The following DLG2 variants were observed in gnomAD, a reference collection of about 807,000 sequenced individuals.
DLG2 encodes the protein discs large MAGUK scaffold protein 2.
Under a neutral mutation model 132.5 loss-of-function variants are expected in DLG2, and 45 were observed. That is an observed-to-expected ratio of 0.34 (90% CI 0.27 to 0.44). DLG2 has a LOEUF of 0.44. DLG2 is among the 20% of genes least tolerant of loss of function. The probability of loss-of-function intolerance (pLI) is 1.00; values close to 1 mark genes in which losing one functional copy is unlikely to be tolerated. For missense variants in DLG2, 1,045 were observed against 1,196.9 expected (o/e 0.87, Z 1.87); for synonymous variants, 424 against 419.6 (o/e 1.01, Z -0.13).
intron 18 of DLG2, among the ~76,000 whole-genome samples, chr11:83,667,974 T>TTAAA (rs2075973184): frequency 1.0e-3 from 1 of 968 alleles, no homozygotes; most frequent in Non-Finnish European, 2.2e-3. Context: ...AGACTCCGTC[T>TTAAA]CAAAAAAAAA....
chr11:85,623,351 T>C (rs1281475803), intron 2 of DLG2, among the ~76,000 whole-genome samples: 5 of 151,840 alleles, frequency 3.3e-5, no homozygotes, highest in Non-Finnish European at 7.4e-5. Context: ...TGTCGCCAAG[T>C]TGGAGTGCAG....
intron 7 of DLG2, among the ~76,000 whole-genome samples, chr11:84,518,240 A>T (rs1047471664): frequency 2.0e-5 from 3 of 148,430 alleles, no homozygotes; most frequent in Non-Finnish European, 4.5e-5. Context: ...TACAGATATC[A>T]CACACTGATC....
intron 18 of DLG2, among the ~76,000 whole-genome samples, chr11:83,722,484 T>C (rs1472699377): frequency 6.6e-6 from 1 of 152,072 alleles, no homozygotes; most frequent in Non-Finnish European, 1.5e-5. Flanking sequence ...GAAGTACTGA[T>C]GGGGGTGAGC....
intron 7 of DLG2, among the ~76,000 whole-genome samples, chr11:84,438,947 C>T (rs533767782): frequency 6.6e-6 from 1 of 152,252 alleles, no homozygotes; most frequent in East Asian, 1.9e-4. Context: ...TGAGGTCTAT[C>T]CCTTAAGAGA....
At chr11:85,522,627 A>G (rs1014242870) in intron 3 of DLG2, among the ~76,000 whole-genome samples, 1 of 152,196 alleles carries the variant, frequency 6.6e-6, no homozygotes, top group Non-Finnish European at 1.5e-5. Flanking sequence ...TCCCAAGGCC[A>G]TGGGAGCCCA....
chr11:83,511,089 C>CACACACACACAG (rs1555134708), intron 21 of DLG2, among the ~76,000 whole-genome samples: 1 of 137,660 alleles, frequency 7.3e-6, no homozygotes, highest in Non-Finnish European at 1.5e-5. Flanking sequence ...CACACACAGA[C>CACACACACACAG]ACACACACAC....
intron 6 of DLG2, among the ~76,000 whole-genome samples, chr11:84,700,675 G>A (rs186876930): frequency 5.3e-5 from 8 of 151,684 alleles, no homozygotes; most frequent in East Asian, 3.9e-4. Flanking sequence ...GAGGTTTGAC[G>A]GCTTGCTCAG....
chr11:83,739,057 T>C (rs1459325562), intron 18 of DLG2, among the ~76,000 whole-genome samples: 1 of 152,162 alleles, frequency 6.6e-6, no homozygotes, highest in Non-Finnish European at 1.5e-5. Context: ...TATTAGTTCT[T>C]CTCTCTTTTT....
intron 9 of DLG2, among the ~76,000 whole-genome samples, chr11:84,130,532 G>C (rs2094377959): frequency 8.2e-6 from 1 of 122,276 alleles, no homozygotes; most frequent in Non-Finnish European, 1.7e-5. Flanking sequence ...ACATATATGT[G>C]TGTGTGTATA....
chr11:83,600,747 C>T (rs2058404187), intron 19 of DLG2, among the ~76,000 whole-genome samples: 1 of 152,178 alleles, frequency 6.6e-6, no homozygotes, highest in Non-Finnish European at 1.5e-5. Context: ...TGTTCAGTCA[C>T]CTCAGTGAAA....
At chr11:84,795,042 C>G (rs1392207780) in intron 6 of DLG2, among the ~76,000 whole-genome samples, 1 of 152,238 alleles carries the variant, frequency 6.6e-6, no homozygotes, top group Non-Finnish European at 1.5e-5. Context: ...AGCCTGGGGA[C>G]CAGGCTACCA....
intron 6 of DLG2, among the ~76,000 whole-genome samples, chr11:84,618,071 G>A (rs1370119098): frequency 6.6e-6 from 1 of 152,058 alleles, no homozygotes. Flanking sequence ...AAGTATCCTG[G>A]TAGGTAAATA....
intron 6 of DLG2, among the ~76,000 whole-genome samples, chr11:84,767,737 T>C (rs1029596999): frequency 1.3e-5 from 2 of 152,030 alleles, no homozygotes; most frequent in Non-Finnish European, 2.9e-5. Context: ...TGAAAAGAGA[T>C]GTTTGGAGAA....
intron 7 of DLG2, among the ~76,000 whole-genome samples, chr11:84,362,660 T>TC (rs895195628): frequency 6.6e-6 from 1 of 151,750 alleles, no homozygotes. Context: ...CCCTCCCCAC[T>TC]CCCCCCACCT....
At chr11:83,937,470 C>T (rs968216065) in intron 14 of DLG2, among the ~76,000 whole-genome samples, 20 of 145,928 alleles carry the variant, frequency 1.4e-4, no homozygotes, top group South Asian at 6.5e-4. Context: ...ATTGTGCCAC[C>T]GCACTCCAGC....
At chr11:84,636,786 T>TTC (rs199625311) in intron 6 of DLG2, among the ~76,000 whole-genome samples, 14 of 10,452 alleles carry the variant, frequency 1.3e-3, no homozygotes, top group Non-Finnish European at 2.7e-3. Flanking sequence ...GGATGCACAT[T>TTC]TTTTTTTTTT....
chr11:84,574,767 T>A (rs766749100), intron 6 of DLG2, among the ~76,000 whole-genome samples: 5 of 152,158 alleles, frequency 3.3e-5, no homozygotes, highest in African/African-American at 7.2e-5. Context: ...ATCCTACCAT[T>A]CTTTCTTAAA....
rs145847828 is a variant in DLG2, at chr11:83,873,523, C to T, written c.1565+897G>A. 2.3e-3 allele frequency among the ~76,000 whole-genome samples: 356 copies of T among 152,222 alleles called. 5 individuals carry two copies. The highest frequency in any genetic ancestry group is 8.1e-3 in the African/African-American group (335 of 41,544). On this transcript the variant is annotated intron_variant, in intron 16 of 27. Coordinates refer to ENST00000376104, the MANE Select transcript of DLG2 (RefSeq NM_001142699.3). ...CTTTCTTGCTGCCATGTAAGAAGTG[C>T]CTTTTGCCATCTGCCATGATTGTGA...
intron 6 of DLG2, among the ~76,000 whole-genome samples, chr11:84,920,429 A>T (rs185882010): frequency 6.6e-6 from 1 of 152,268 alleles, no homozygotes; most frequent in Admixed American, 6.5e-5. Flanking sequence ...GTCCAGGTAA[A>T]ATTAGCCTGT....
Sources: allele counts gnomAD v4.1 joint callset (sites outside exome capture counted in the v4.1 genomes callset), GRCh38; gene constraint gnomAD v4.1.1; transcripts MANE v1.5; gene names NCBI Gene and HGNC (gene_info 2026-07-23, HGNC 2026-07-21).